The following WWOX variants were observed in gnomAD, a reference collection of about 807,000 sequenced individuals.
WWOX encodes the protein WW domain-containing oxidoreductase.
Under a neutral mutation model 46.2 loss-of-function variants are expected in WWOX, and 69 were observed. The ratio of observed to expected loss-of-function variants is 1.49; its 90% CI spans 1.23 to 1.82. The LOEUF (loss-of-function observed/expected upper bound fraction) is 1.82. Ranked by LOEUF, WWOX falls within the 40% of genes most tolerant of loss-of-function variation. The pLI is 0.00. For synonymous variants in WWOX, 359 were observed against 202.6 expected, an observed-to-expected ratio of 1.77 and a Z score of -6.56; for missense variants, 919 against 542.6, an observed-to-expected ratio of 1.69 and a Z score of -6.89.
chr16:78,667,796 C>T (rs1412959089), intron 8 of WWOX, among the ~76,000 whole-genome samples: 1 of 151,796 alleles, frequency 6.6e-6, no homozygotes, highest in African/African-American at 2.4e-5. Flanking sequence ...CTGTCTTTCT[C>T]TCGCATCAGC....
Position 78,992,159 on chromosome 16 carries a change from A to C in WWOX, c.1057-219449A>C, listed in dbSNP as rs576348419. On this transcript the variant is annotated intron_variant, in intron 8 of 8. Transcript: ENST00000566780. ...TCCTGTCCTTGAGGCATTCACAGGT[A>C]AAGAAGCCTGCTTGGGACATTGGGC... Among the ~76,000 whole-genome samples the C allele has an allele frequency of 1.4e-4, 21 of 152,358 alleles. No homozygotes were observed. In the East Asian group the frequency reaches 2.7e-3, roughly 20 times the overall value.
chr16:79,137,999 C>G (rs890228453), intron 8 of WWOX, among the ~76,000 whole-genome samples: 9 of 152,078 alleles, frequency 5.9e-5, no homozygotes, highest in African/African-American at 2.2e-4. Flanking sequence ...CGTTTACATT[C>G]CAAGGAAGGG....
intron 5 of WWOX, among the ~76,000 whole-genome samples, chr16:78,369,338 G>GA (rs1007994026): frequency 7.3e-5 from 11 of 150,950 alleles, no homozygotes; most frequent in African/African-American, 2.4e-4. Context: ...TGAAGCAAGA[G>GA]AAAAAAACGT....
At chr16:78,704,121 G>C (rs541562192) in intron 8 of WWOX, among the ~76,000 whole-genome samples, 1 of 151,918 alleles carries the variant, frequency 6.6e-6, no homozygotes, top group Non-Finnish European at 1.5e-5. Context: ...ATGGTGGAAA[G>C]GGGCAGGCTG....
At chr16:79,012,191 C>A (rs779982904) in intron 8 of WWOX, among the ~76,000 whole-genome samples, 2 of 152,180 alleles carry the variant, frequency 1.3e-5, no homozygotes, top group Non-Finnish European at 2.9e-5. Flanking sequence ...AAGCCACAAG[C>A]CACATCTGGC....
In WWOX at chr16:78,418,017, T is replaced by C. The variant is rs1484769778; in HGVS notation, c.606-6853T>C. Among the ~76,000 whole-genome samples the C allele has an allele frequency of 3.3e-5, 5 of 152,304 alleles. 1 individual carries two copies. Among genetic ancestry groups the C allele is most frequent in the Admixed American group, 2.6e-4 (4 of 15,304 alleles). ...ACTTCAAACAACAACAGTGATTAAA[T>C]ACGTTTTTCTAGTTAAAAAATTAAT... On this transcript the variant is annotated intron_variant, in intron 6 of 8. Transcript: ENST00000566780.
chr16:78,503,794 C>T (rs2085128053), intron 8 of WWOX: 1 of 152,220 alleles, frequency 6.6e-6, no homozygotes, highest in South Asian at 2.1e-4. Context: ...AAGAAGGATT[C>T]ATATCTGGAA....
chr16:78,267,981 C>G (rs2079403704), intron 5 of WWOX, among the ~76,000 whole-genome samples: 1 of 152,068 alleles, frequency 6.6e-6, no homozygotes, highest in Non-Finnish European at 1.5e-5. Flanking sequence ...CCACGCCTGG[C>G]TAAGTTTTTG....
At chr16:78,988,966 CAGG>C (rs1488118690) in intron 8 of WWOX, among the ~76,000 whole-genome samples, 1 of 152,166 alleles carries the variant, frequency 6.6e-6, no homozygotes, top group Non-Finnish European at 1.5e-5. Flanking sequence ...AGGAACTAGG[CAGG>C]AGAATTCCTG....
intron 8 of WWOX, among the ~76,000 whole-genome samples, chr16:79,093,422 C>T (rs1052964025): frequency 6.6e-6 from 1 of 152,038 alleles, no homozygotes; most frequent in Non-Finnish European, 1.5e-5. Flanking sequence ...TATTGTGACC[C>T]AACATTTTTC....
chr16:78,115,126 T>A lies in WWOX; in HGVS notation c.381T>A (p.Val127=). 6.2e-7 allele frequency: 1 copy of A among 1,614,224 alleles called. No individual in the cohort carries two copies. Among genetic ancestry groups the A allele is most frequent in the South Asian group, 1.1e-5 (1 of 91,086 alleles). The change falls in exon 4 of 9, where the codon GTT becomes GTA. Residue 127 remains valine, a synonymous_variant. Coordinates refer to ENST00000566780, the MANE Select transcript of WWOX (RefSeq NM_016373.4). The part of the protein sequence containing the change: ...LQGRDFTGKV[V]VVTGANSGIG... ...GCCGGGATTTCACTGGCAAAGTGGTTGTGGTCACTGGAGCTAATTCAGGAA... is the reference window on the plus strand; with the variant it reads ...GCCGGGATTTCACTGGCAAAGTGGTAGTGGTCACTGGAGCTAATTCAGGAA...
intron 5 of WWOX, among the ~76,000 whole-genome samples, chr16:78,166,145 C>T (rs935324388): frequency 6.6e-6 from 1 of 152,060 alleles, no homozygotes; most frequent in African/African-American, 2.4e-5. Flanking sequence ...CCAGCAAACA[C>T]ACTCACATTC....
chr16:78,382,113 G>T (rs927208883), intron 5 of WWOX, among the ~76,000 whole-genome samples: 14 of 152,104 alleles, frequency 9.2e-5, no homozygotes, highest in Admixed American at 3.3e-4. Context: ...GTAGGAGTTG[G>T]CCTGAAACAA....
At chr16:78,680,268 G>C (rs890488761) in intron 8 of WWOX, among the ~76,000 whole-genome samples, 2 of 152,246 alleles carry the variant, frequency 1.3e-5, no homozygotes, top group East Asian at 3.9e-4. Context: ...AATTAGCCAG[G>C]TGTGGTGGCA....
At position 78,410,244 on chromosome 16, in the gene WWOX, A is replaced by G. The variant is rs2082647399; in HGVS notation, c.606-14626A>G. Among the ~76,000 whole-genome samples, 4 of 152,292 alleles carry G rather than the reference A, an allele frequency of 2.6e-5. No individual in the cohort carries two copies. The South Asian group carries it at 8.3e-4, about 32-fold the overall frequency. Reference sequence around the variant, plus strand: ...TGTAGAGTCTGCAGAATCGGAGCCAATTAAATCTCTTTTCATTATAAATTA... The same window carrying G: ...TGTAGAGTCTGCAGAATCGGAGCCAGTTAAATCTCTTTTCATTATAAATTA... On this transcript the variant is annotated intron_variant, in intron 6 of 8. Coordinates refer to ENST00000566780, the MANE Select transcript of WWOX (RefSeq NM_016373.4).
At chr16:79,130,515 A>G (rs2049854891) in intron 8 of WWOX, among the ~76,000 whole-genome samples, 1 of 152,202 alleles carries the variant, frequency 6.6e-6, no homozygotes, top group Non-Finnish European at 1.5e-5. Flanking sequence ...TTGAGACTCC[A>G]GAGATCAGGA....
chr16:78,630,662 G>T (rs1025861097), intron 8 of WWOX, among the ~76,000 whole-genome samples: 1 of 152,162 alleles, frequency 6.6e-6, no homozygotes, highest in African/African-American at 2.4e-5. Context: ...ATTTCCCTGT[G>T]CTCATTTTGC....
intron 8 of WWOX, among the ~76,000 whole-genome samples, chr16:78,739,545 C>A (rs1567527884): frequency 6.6e-6 from 1 of 152,132 alleles, no homozygotes; most frequent in Non-Finnish European, 1.5e-5. Context: ...GGCATGGTGG[C>A]TCACGCCTGT....
intron 8 of WWOX, among the ~76,000 whole-genome samples, chr16:78,843,459 C>T (rs898024019): frequency 2.7e-5 from 4 of 150,126 alleles, no homozygotes; most frequent in South Asian, 2.2e-4. Flanking sequence ...GATGAGATTA[C>T]TGTCAGCTTT....
Sources: gnomAD v4.1 joint callset for allele counts (sites outside exome capture counted in the v4.1 genomes callset) on GRCh38, gnomAD v4.1.1 for gene constraint, MANE v1.5 for transcripts, NCBI Gene and HGNC (gene_info 2026-07-23, HGNC 2026-07-21) for gene names.